Variants in ASCL5 observed in about 807,000 individuals in gnomAD.
ASCL5 encodes the protein achaete-scute homolog 5.
For missense variants in ASCL5, 262 were observed against 268.9 expected (o/e 0.97, Z 0.18); for synonymous variants, 124 against 131.5 (o/e 0.94, Z 0.39).
intron 1 of ASCL5, among the ~76,000 whole-genome samples, chr1:201,116,281 T>TTA (rs984975216): frequency 6.6e-6 from 1 of 152,190 alleles, no homozygotes; most frequent in African/African-American, 2.4e-5. Flanking sequence ...CTGAGACTGC[T>TTA]TATTGGATTA....
chr1:201,120,696 C>T (rs1479322648), intron 1 of ASCL5, among the ~76,000 whole-genome samples: 1 of 152,224 alleles, frequency 6.6e-6, no homozygotes, highest in Non-Finnish European at 1.5e-5. Flanking sequence ...AGGCTTTCCT[C>T]ATTGTCTTTA....
intron 1 of ASCL5, among the ~76,000 whole-genome samples, chr1:201,118,815 T>C (rs970834313): frequency 2.0e-5 from 3 of 152,186 alleles, no homozygotes; most frequent in African/African-American, 7.2e-5. Flanking sequence ...TCTCATTTAA[T>C]TTTCACGCCA....
chr1:201,123,026 T>C (rs966524053), intron 1 of ASCL5, among the ~76,000 whole-genome samples: 3 of 152,142 alleles, frequency 2.0e-5, no homozygotes, highest in African/African-American at 7.2e-5. Context: ...ACGGGTGACC[T>C]TCAGAAAAGC....
chr1:201,125,684 A>G (rs1663566412), intron 1 of ASCL5, among the ~76,000 whole-genome samples: 1 of 152,104 alleles, frequency 6.6e-6, no homozygotes, highest in Non-Finnish European at 1.5e-5. Flanking sequence ...AGTTCCTTGA[A>G]GGGCAGGAAC....
At chr1:201,122,600 A>G (rs896499567) in intron 1 of ASCL5, among the ~76,000 whole-genome samples, 1 of 152,128 alleles carries the variant, frequency 6.6e-6, no homozygotes, top group Admixed American at 6.5e-5. Flanking sequence ...TTGGGTTGAT[A>G]TGAGGACTTT....
At chr1:201,116,927 T>C (rs530063393) in intron 1 of ASCL5, among the ~76,000 whole-genome samples, 29 of 152,228 alleles carry the variant, frequency 1.9e-4, no homozygotes, top group African/African-American at 7.0e-4. Context: ...GGGCACGGCC[T>C]CTCCAAGAGA....
At chr1:201,117,836 G>A (rs1231802968) in intron 1 of ASCL5, among the ~76,000 whole-genome samples, 3 of 152,138 alleles carry the variant, frequency 2.0e-5, no homozygotes, top group African/African-American at 4.8e-5. Context: ...CAGGGGCTAG[G>A]GCTTTTATTT....
At position 201,116,888 on chromosome 1, in the gene ASCL5, G is replaced by A. The variant is rs16847753; in HGVS notation, c.-505-1011C>T. Among the ~76,000 whole-genome samples, 616 of 152,250 alleles carry A rather than the reference G, an allele frequency of 4.0e-3. 3 individuals are homozygous for A. The highest frequency in any genetic ancestry group is 0.014 in the African/African-American group (593 of 41,538). On this transcript the variant is annotated intron_variant, in intron 1 of 1. Coordinates refer to ENST00000449188, the MANE Select transcript of ASCL5 (RefSeq NM_001270601.2). The stretch of plus-strand genomic sequence containing the variant: ...TGATCAGGACTTAGCGAGTGAGTGA[G>A]TGATGGGCAGCATGACACCTTGGCC...
chr1:201,115,283 C>A lies in ASCL5; in HGVS notation c.90G>T (p.Arg30=). ...CMQLGVMPPP[R]QAPLPPAEPL... ...GCTCGGCGGGGGGCAGGGGCGCCTG[C>A]CGGGGAGGGGGCATGACGCCCAGCT... is the stretch of plus-strand genomic sequence containing the variant. The change falls in exon 2 of 2, where the codon CGG becomes CGT. Residue 30 remains arginine (R), a synonymous_variant. Coordinates refer to ENST00000449188, the MANE Select transcript of ASCL5 (RefSeq NM_001270601.2). 8.1e-7 allele frequency: 1 copy of A among 1,231,104 alleles called. No homozygotes were observed. Among genetic ancestry groups the A allele is most frequent in the South Asian group, 4.1e-5 (1 of 24,310 alleles). The allele number at this position is 1,231,104 out of a possible 1,614,324, so 76.3% of individuals were successfully genotyped here.
In ASCL5 at chr1:201,118,625, C is replaced by T. The variant is rs181397678; in HGVS notation, c.-505-2748G>A. 1.1e-3 allele frequency among the ~76,000 whole-genome samples: 169 copies of T among 152,158 alleles called. 1 individual carries two copies. The highest frequency in any genetic ancestry group is 1.4e-3 in the South Asian group (7 of 4,828). On this transcript the variant is annotated intron_variant, in intron 1 of 1. Transcript: ENST00000449188. ...CACAGTGTAGCATATGACCATTAAG[C>T]GGCGTGATTTTCATTCAGTAAATAT...
In ASCL5 at chr1:201,114,404, A is replaced by G; in HGVS notation, c.*348T>C. The G allele has an allele frequency of 4.8e-6, 1 of 208,166 alleles. No homozygotes were observed. The highest frequency in any genetic ancestry group is 9.5e-6 in the Non-Finnish European group (1 of 104,978). The allele number at this position is 208,166 out of a possible 1,614,324, so 12.9% of individuals were successfully genotyped here. ...CTGCGCCTGCGGCAAGGAAGGACGG[A>G]GCAGAGCCACCTGAGGCCGAGCGGG... is the stretch of plus-strand genomic sequence containing the variant. On this transcript the variant is annotated 3_prime_UTR_variant, in exon 2 of 2. Transcript: ENST00000449188.
chr1:201,119,422 T>C (rs1045325623), intron 1 of ASCL5, among the ~76,000 whole-genome samples: 3 of 152,104 alleles, frequency 2.0e-5, no homozygotes, highest in Admixed American at 1.3e-4. Flanking sequence ...CACGGTGTGG[T>C]GGTGAGACGC....
intron 1 of ASCL5, among the ~76,000 whole-genome samples, chr1:201,118,533 TA>T (rs1033045944): frequency 2.0e-5 from 3 of 148,016 alleles, no homozygotes; most frequent in Non-Finnish European, 3.0e-5. Flanking sequence ...CAAGATACCA[TA>T]GGGGGGTACA....
rs531464300 is a variant in ASCL5, at chr1:201,115,538, C to A, written c.-166G>T. 2 of 443,526 alleles carry A rather than the reference C, an allele frequency of 4.5e-6. No homozygotes were observed. Among genetic ancestry groups the A allele is most frequent in the African/African-American group, 4.0e-5 (2 of 49,420 alleles). 27.5% of individuals were successfully genotyped at this position (443,526 alleles called of 1,614,324 possible). A position where few individuals can be genotyped will look rare whatever the true frequency, so the allele number is the denominator to read the frequency against. ...CCCTTTAGGGTGGCTTCCAATGACTCCCTAACAAGAGCCATCGCCCTAGAC... is the reference window on the plus strand; with the variant it reads ...CCCTTTAGGGTGGCTTCCAATGACTACCTAACAAGAGCCATCGCCCTAGAC... On this transcript the variant is annotated 5_prime_UTR_variant, in exon 2 of 2. It introduces an in-frame stop codon into an upstream open reading frame of the 5' UTR. Transcript: ENST00000449188.
intron 1 of ASCL5, among the ~76,000 whole-genome samples, chr1:201,121,259 G>T (rs929694177): frequency 6.6e-6 from 1 of 152,194 alleles, no homozygotes; most frequent in Non-Finnish European, 1.5e-5. Context: ...ACATCAAATA[G>T]AATACACTTC....
intron 1 of ASCL5, among the ~76,000 whole-genome samples, chr1:201,119,319 C>G (rs57307345): frequency 0.13 from 19,917 of 152,134 alleles, 1,386 homozygotes; most frequent in Middle Eastern, 0.18. Context: ...CTTAGAAAAC[C>G]TGAGCAAAGG....
In ASCL5 at chr1:201,119,434, G is replaced by A. The variant is rs16847764; in HGVS notation, c.-505-3557C>T. Among the ~76,000 whole-genome samples the A allele has an allele frequency of 8.5e-3, 1,298 of 152,340 alleles. 16 individuals carry two copies. The highest frequency in any genetic ancestry group is 0.029 in the African/African-American group (1,200 of 41,570). Reference sequence around the variant, plus strand: ...CGCCACGGTGTGGTGGTGAGACGCAGTGGCGGCAACAGATTGATGAAATTC... The same window carrying A: ...CGCCACGGTGTGGTGGTGAGACGCAATGGCGGCAACAGATTGATGAAATTC... On this transcript the variant is annotated intron_variant, in intron 1 of 1. Coordinates refer to ENST00000449188, the MANE Select transcript of ASCL5 (RefSeq NM_001270601.2).
At chr1:201,123,025 C>T (rs920790068) in intron 1 of ASCL5, among the ~76,000 whole-genome samples, 4 of 152,150 alleles carry the variant, frequency 2.6e-5, no homozygotes, top group African/African-American at 9.7e-5. Flanking sequence ...GACGGGTGAC[C>T]TTCAGAAAAG....
chr1:201,121,422 C>T (rs1663457314), intron 1 of ASCL5, among the ~76,000 whole-genome samples: 1 of 152,128 alleles, frequency 6.6e-6, no homozygotes, highest in African/African-American at 2.4e-5. Flanking sequence ...GCTTGGGAAC[C>T]TTGTGCTTCT....
Sources: allele counts gnomAD v4.1 joint callset (sites outside exome capture counted in the v4.1 genomes callset), GRCh38; gene constraint gnomAD v4.1.1; transcripts MANE v1.5; gene names NCBI Gene and HGNC (gene_info 2026-07-23, HGNC 2026-07-21).